The following ST18 variants were observed in gnomAD, a reference collection of about 807,000 sequenced individuals.
ST18 encodes the protein suppression of tumorigenicity 18 protein.
ST18 carries 50 observed loss-of-function variants against 110.0 expected under a neutral mutation model. The ratio of observed to expected loss-of-function variants is 0.45; its 90% CI spans 0.36 to 0.58. The LOEUF (loss-of-function observed/expected upper bound fraction) is 0.58, where lower values mean the gene tolerates loss of function less well. Ranked by LOEUF, ST18 falls within the 20% of genes least tolerant of loss-of-function variation. The probability of loss-of-function intolerance (pLI) is 0.00; values close to 1 mark genes in which losing one functional copy is unlikely to be tolerated. For missense variants in ST18, 1,306 were observed against 1,280.1 expected (o/e 1.02, Z -0.31); for synonymous variants, 461 against 452.4 (o/e 1.02, Z -0.24).
intron 2 of ST18, among the ~76,000 whole-genome samples, chr8:52,281,765 C>A (rs904676749): frequency 2.6e-5 from 4 of 152,112 alleles, no homozygotes; most frequent in African/African-American, 9.7e-5. Context: ...GATTTGGAGA[C>A]CTTTATTCTA....
intron 8 of ST18, chr8:52,194,226 C>G (rs1019157868): frequency 4.6e-5 from 7 of 152,140 alleles, no homozygotes; most frequent in Non-Finnish European, 7.3e-5. Context: ...TCCTCTGAAT[C>G]GTGAGGTAAT....
rs10547451 is a variant in ST18, at chr8:52,133,710, A to AATTATTATTATT, written c.2301-421_2301-410dup. Among the ~76,000 whole-genome samples the AATTATTATTATT allele has an allele frequency of 2.5e-3, 366 of 147,970 alleles. 2 individuals are homozygous for AATTATTATTATT. The highest frequency in any genetic ancestry group is 8.6e-3 in the African/African-American group (347 of 40,122). On this transcript the variant is annotated intron_variant, in intron 19 of 25. Coordinates refer to ENST00000689386, the MANE Select transcript of ST18 (RefSeq NM_001352837.2). The stretch of plus-strand genomic sequence containing the variant: ...TTTATGTAAAAAGAAAAGTTTTCCA[A>AATTATTATTATT]ATTATTATTATTATTATTATTATTA...
At chr8:52,186,215 C>A (rs190863161) in intron 8 of ST18, among the ~76,000 whole-genome samples, 41 of 152,280 alleles carry the variant, frequency 2.7e-4, no homozygotes, top group African/African-American at 1.7e-4. Context: ...ATAAAGAATT[C>A]TTCCAAATAA....
intron 10 of ST18, 106 bp downstream of exon 10, chr8:52,171,686 G>A: frequency 9.0e-7 from 1 of 1,116,788 alleles, no homozygotes; most frequent in Non-Finnish European, 1.3e-6. Flanking sequence ...TTTTTAAGTT[G>A]CATTAAACTG....
intron 2 of ST18, among the ~76,000 whole-genome samples, chr8:52,281,882 G>A (rs938385333): frequency 1.1e-4 from 17 of 152,136 alleles, no homozygotes; most frequent in African/African-American, 2.9e-4. Flanking sequence ...ATGGACTTTG[G>A]GGACTCGGGG....
At chr8:52,282,738 G>T (rs551799646) in intron 2 of ST18, among the ~76,000 whole-genome samples, 38 of 152,232 alleles carry the variant, frequency 2.5e-4, no homozygotes, top group South Asian at 1.0e-3. Context: ...TCATCGGGAA[G>T]GTGAGTCATC....
chr8:52,385,806 T>C (rs947930221), intron 2 of ST18, among the ~76,000 whole-genome samples: 1 of 151,870 alleles, frequency 6.6e-6, no homozygotes, highest in Admixed American at 6.6e-5. Context: ...GTGAGGAAAG[T>C]AAAAGAGAGA....
chr8:52,342,298 C>A (rs1590073638), intron 2 of ST18, among the ~76,000 whole-genome samples: 2 of 152,134 alleles, frequency 1.3e-5, no homozygotes, highest in Admixed American at 1.3e-4. Context: ...TGGGAGGAAT[C>A]CAGAACAAAA....
chr8:52,307,090 A>G (rs1381801449), intron 2 of ST18, among the ~76,000 whole-genome samples: 2 of 152,126 alleles, frequency 1.3e-5, no homozygotes, highest in African/African-American at 4.8e-5. Context: ...AGGTCAAGGC[A>G]GGAAGATCAC....
intron 2 of ST18, among the ~76,000 whole-genome samples, chr8:52,377,848 A>C (rs2140771286): frequency 6.6e-6 from 1 of 152,332 alleles, no homozygotes; most frequent in Non-Finnish European, 1.5e-5. Context: ...TAGGAAGCAA[A>C]GTCTTTATGA....
At chr8:52,298,933 C>G (rs1589717331) in intron 2 of ST18, among the ~76,000 whole-genome samples, 1 of 152,180 alleles carries the variant, frequency 6.6e-6, no homozygotes, top group Non-Finnish European at 1.5e-5. Flanking sequence ...TAAGTGATCT[C>G]TCTTTTCTAA....
chr8:52,316,525 T>A (rs16917663), intron 2 of ST18, among the ~76,000 whole-genome samples: 1,881 of 152,368 alleles, frequency 0.012, 26 homozygotes, highest in African/African-American at 0.044. Context: ...ATTCAAGTTT[T>A]ATTTTATGAA....
At chr8:52,308,152 T>G (rs1317790897) in intron 2 of ST18, among the ~76,000 whole-genome samples, 2 of 152,188 alleles carry the variant, frequency 1.3e-5, no homozygotes, top group Non-Finnish European at 2.9e-5. Context: ...TTTTCAGACC[T>G]TTTTTAAACA....
At chr8:52,318,818 A>G (rs1417694667) in intron 2 of ST18, among the ~76,000 whole-genome samples, 2 of 152,122 alleles carry the variant, frequency 1.3e-5, no homozygotes, top group Non-Finnish European at 2.9e-5. Context: ...CTAACACAGG[A>G]ACAGAAAACC....
At chr8:52,172,623 A>G in intron 9 of ST18, 40 bp from the exon 10 acceptor site, 1 of 1,490,310 alleles carries the variant, frequency 6.7e-7, no homozygotes, top group South Asian at 1.4e-5. Flanking sequence ...AGCAAGAACA[A>G]AAAATATTTT....
At chr8:52,129,268 A>G (rs909176333) in intron 22 of ST18, among the ~76,000 whole-genome samples, 16 of 151,586 alleles carry the variant, frequency 1.1e-4, no homozygotes, top group Admixed American at 6.6e-5. Context: ...GAGTTTGAGA[A>G]CAGCCTGACC....
intron 5 of ST18, among the ~76,000 whole-genome samples, chr8:52,218,360 A>G (rs140666825): frequency 2.0e-5 from 3 of 151,166 alleles, no homozygotes; most frequent in African/African-American, 4.9e-5. Context: ...AGATAGATAT[A>G]TCATGCAGGT....
chr8:52,288,630 G>A (rs903074277), intron 2 of ST18, among the ~76,000 whole-genome samples: 1 of 150,988 alleles, frequency 6.6e-6, no homozygotes, highest in African/African-American at 2.4e-5. Context: ...GAAAGCGGAG[G>A]TTGCAGTGAG....
At chr8:52,368,990 A>G (rs953447294) in intron 2 of ST18, among the ~76,000 whole-genome samples, 2 of 152,144 alleles carry the variant, frequency 1.3e-5, no homozygotes, top group African/African-American at 4.8e-5. Flanking sequence ...ACCTAACAGC[A>G]AAAAGGGCCA....
Sources: allele counts gnomAD v4.1 joint callset (sites outside exome capture counted in the v4.1 genomes callset), GRCh38; gene constraint gnomAD v4.1.1; transcripts MANE v1.5; gene names NCBI Gene and HGNC (gene_info 2026-07-23, HGNC 2026-07-21).